Variants in FRAS1 observed in about 807,000 individuals in gnomAD.
FRAS1 encodes the protein extracellular matrix organizing protein FRAS1.
A neutral mutation model predicts 435.2 loss-of-function variants in FRAS1; 290 were observed. That is an observed-to-expected ratio of 0.67 (90% CI 0.61 to 0.73). FRAS1 has a LOEUF of 0.73. Among genes scored for constraint, FRAS1 ranks in the 30% least tolerant of loss-of-function variants. The pLI, the probability that FRAS1 is intolerant of heterozygous loss-of-function variation, is 0.00. For missense variants in FRAS1, 4,860 were observed against 5,001.5 expected (o/e 0.97, Z 0.85); for synonymous variants, 1,800 against 1,851.0 (o/e 0.97, Z 0.71).
At chr4:78,393,166 A>G (rs955769205) in intron 29 of FRAS1, among the ~76,000 whole-genome samples, 1 of 152,098 alleles carries the variant, frequency 6.6e-6, no homozygotes, top group African/African-American at 2.4e-5. Flanking sequence ...CTAACCTCAT[A>G]AAGTTTTCTC....
At chr4:78,398,402 G>A (rs1732755985) in intron 29 of FRAS1, among the ~76,000 whole-genome samples, 2 of 152,208 alleles carry the variant, frequency 1.3e-5, no homozygotes, top group Admixed American at 6.5e-5. Flanking sequence ...ATCTTAATGA[G>A]CTTCCAGGTG....
At chr4:78,405,548 C>T (rs1204645548) in intron 30 of FRAS1, among the ~76,000 whole-genome samples, 4 of 152,164 alleles carry the variant, frequency 2.6e-5, no homozygotes, top group African/African-American at 9.7e-5. Context: ...GAATATTATA[C>T]TTGTTCTATA....
intron 2 of FRAS1, among the ~76,000 whole-genome samples, chr4:78,135,972 G>A (rs1223418357): frequency 2.6e-5 from 4 of 152,144 alleles, no homozygotes; most frequent in Non-Finnish European, 4.4e-5. Flanking sequence ...TCAGCTGATC[G>A]ATACCTAACT....
chr4:78,307,042 T>C (rs908335384), intron 14 of FRAS1, among the ~76,000 whole-genome samples: 2 of 152,212 alleles, frequency 1.3e-5, no homozygotes, highest in African/African-American at 2.4e-5. Context: ...GATGGGTTTT[T>C]GGTGTGGATG....
At chr4:78,424,491 CCAT>C (rs886158854) in intron 35 of FRAS1, 71 bp downstream of exon 35, 1 of 694,608 alleles carries the variant, frequency 1.4e-6, no homozygotes, top group African/African-American at 1.9e-5. Context: ...CTTTTTGTTC[CCAT>C]CATCATTATT....
In FRAS1 at chr4:78,450,219, A is replaced by T; in HGVS notation, c.6343A>T (p.Met2115Leu). 6.2e-7 allele frequency: 1 copy of T among 1,613,808 alleles called. No homozygotes were observed. Reference sequence around the variant, plus strand: ...TATTGACTCAGATGACCATCAGGTTATGTACATCATGAAGGAAGATCCTGG... The same window carrying T: ...TATTGACTCAGATGACCATCAGGTTTTGTACATCATGAAGGAAGATCCTGG... The part of the protein sequence containing the change: ...TDIDSDDHQV[M>L]YIMKEDPGAG... Residue 2115 changes from methionine to leucine, a missense_variant, in exon 45 of 74, where the codon ATG becomes TTG. Transcript: ENST00000512123.
chr4:78,176,685 A>T (rs543087380), intron 2 of FRAS1, among the ~76,000 whole-genome samples: 5 of 152,372 alleles, frequency 3.3e-5, no homozygotes, highest in African/African-American at 1.2e-4. Context: ...TGAAGCTTAC[A>T]GTGTGGCTGG....
At chr4:78,372,529 G>T (rs1175150308) in intron 23 of FRAS1, among the ~76,000 whole-genome samples, 189 bp from the exon 24 acceptor site, 1 of 152,164 alleles carries the variant, frequency 6.6e-6, no homozygotes, top group East Asian at 1.9e-4. Context: ...CATAATTAGG[G>T]AACACTTAAA....
At chr4:78,065,083 T>TATATATATATATACACACAC (rs1383890164) in intron 1 of FRAS1, among the ~76,000 whole-genome samples, 2 of 140,594 alleles carry the variant, frequency 1.4e-5, no homozygotes, top group African/African-American at 5.3e-5. Context: ...TATATATATA[T>TATATATATATATACACACAC]ACATACACAC....
intron 2 of FRAS1, among the ~76,000 whole-genome samples, chr4:78,191,315 G>A (rs1383531672): frequency 6.6e-6 from 1 of 152,054 alleles, no homozygotes; most frequent in Non-Finnish European, 1.5e-5. Context: ...CTTAAATGTG[G>A]TAACATTCTC....
At chr4:78,153,131 ACTTAT>A (rs1471228177) in intron 2 of FRAS1, among the ~76,000 whole-genome samples, 2 of 152,060 alleles carry the variant, frequency 1.3e-5, no homozygotes, top group East Asian at 1.9e-4. Flanking sequence ...TAACTTAAAG[ACTTAT>A]CTTATCCCTA....
intron 4 of FRAS1, among the ~76,000 whole-genome samples, chr4:78,251,106 C>G (rs879404295): frequency 3.9e-5 from 6 of 152,000 alleles, no homozygotes; most frequent in Non-Finnish European, 8.8e-5. Context: ...CTTTTAAGTT[C>G]TTTCTTTGCT....
intron 50 of FRAS1, among the ~76,000 whole-genome samples, chr4:78,468,883 A>G (rs1200270436): frequency 1.3e-5 from 2 of 152,104 alleles, no homozygotes; most frequent in African/African-American, 4.8e-5. Context: ...CTCCTTTTCT[A>G]CTTTGACACT....
chr4:78,089,440 T>C (rs1741386573), intron 2 of FRAS1, among the ~76,000 whole-genome samples: 1 of 151,760 alleles, frequency 6.6e-6, no homozygotes, highest in Non-Finnish European at 1.5e-5. Context: ...AATAATAAAG[T>C]TAAAAAAAAT....
intron 14 of FRAS1, among the ~76,000 whole-genome samples, chr4:78,296,347 A>G (rs946838148): frequency 6.6e-6 from 1 of 152,030 alleles, no homozygotes; most frequent in Non-Finnish European, 1.5e-5. Context: ...AAAGCCTTCA[A>G]TTGGCAAAGG....
At chr4:78,454,402 G>A (rs1432547408) in intron 47 of FRAS1, among the ~76,000 whole-genome samples, 2 of 152,124 alleles carry the variant, frequency 1.3e-5, no homozygotes, top group East Asian at 3.9e-4. Context: ...AATGGTGGAG[G>A]AGGGCATGTA....
At position 78,489,058 on chromosome 4, in the gene FRAS1, T is replaced by C; in HGVS notation, c.8936T>C (p.Ile2979Thr). The stretch of plus-strand genomic sequence containing the variant: ...AGACAAAATGCAGACTCTTCACGGA[T>C]TACATTTCTCAAAGGGGACAAAGTA... ...EERQNADSSR[I>T]TFLKGDKVKN... is the part of the protein sequence containing the mutation. Residue 2979 changes from isoleucine to threonine, a missense_variant, in exon 59 of 74, where the codon ATT becomes ACT. Transcript: ENST00000512123. The C allele has an allele frequency of 6.2e-7, 1 of 1,613,186 alleles. No individual in the cohort carries two copies. The highest frequency in any genetic ancestry group is 8.5e-7 in the Non-Finnish European group (1 of 1,179,628).
At chr4:78,517,373 A>G in intron 66 of FRAS1, among the ~76,000 whole-genome samples, 1 of 152,194 alleles carries the variant, frequency 6.6e-6, no homozygotes, top group East Asian at 1.9e-4. Flanking sequence ...AAAAATTAGT[A>G]TTCTCTGTTC....
At chr4:78,425,716 ATG>A (rs1733972225) in intron 35 of FRAS1, among the ~76,000 whole-genome samples, 1 of 152,216 alleles carries the variant, frequency 6.6e-6, no homozygotes, top group Admixed American at 6.5e-5. Context: ...GTAATGATAT[ATG>A]GCAGATTTTT....
Sources: gnomAD v4.1 joint callset for allele counts (sites outside exome capture counted in the v4.1 genomes callset) on GRCh38, gnomAD v4.1.1 for gene constraint, MANE v1.5 for transcripts, NCBI Gene and HGNC (gene_info 2026-07-23, HGNC 2026-07-21) for gene names.